The following CAMKMT variants were observed in gnomAD, a reference collection of about 807,000 sequenced individuals.
The protein encoded by CAMKMT is CaM KMT.
In CAMKMT, 53 loss-of-function variants were observed where a neutral mutation model predicts 48.0. The ratio of observed to expected loss-of-function variants is 1.10; its 90% confidence interval spans 0.89 to 1.39. The LOEUF (loss-of-function observed/expected upper bound fraction) is 1.39, where lower values mean the gene tolerates loss of function less well. CAMKMT is among the 40% of genes most tolerant of loss of function. The pLI is 0.00. For missense variants in CAMKMT, 428 were observed against 402.7 expected (o/e 1.06, Z -0.54); for synonymous variants, 165 against 152.3 (o/e 1.08, Z -0.61).
At chr2:44,689,768 T>C (rs1370652812) in intron 3 of CAMKMT, among the ~76,000 whole-genome samples, 3 of 152,150 alleles carry the variant, frequency 2.0e-5, no homozygotes, top group Non-Finnish European at 4.4e-5. Flanking sequence ...TTTTCTCACA[T>C]AGGCCCAGAT....
At chr2:44,662,320 C>T (rs1375759196) in intron 3 of CAMKMT, among the ~76,000 whole-genome samples, 2 of 152,174 alleles carry the variant, frequency 1.3e-5, no homozygotes, top group African/African-American at 2.4e-5. Context: ...TGATATTGAA[C>T]GACTATAAGA....
At chr2:44,510,847 CT>C (rs758652962) in intron 3 of CAMKMT, among the ~76,000 whole-genome samples, 2,522 of 147,014 alleles carry the variant, frequency 0.017, 35 homozygotes, top group Non-Finnish European at 0.027. Flanking sequence ...CATTATATCA[CT>C]TTTTTTTTTT....
At chr2:44,541,630 G>A (rs148568789) in intron 3 of CAMKMT, among the ~76,000 whole-genome samples, 4 of 151,938 alleles carry the variant, frequency 2.6e-5, no homozygotes, top group Middle Eastern at 3.4e-3. Flanking sequence ...AATTAGCTGC[G>A]CATAGTGGTG....
At chr2:44,558,602 T>G (rs1167700841) in intron 3 of CAMKMT, among the ~76,000 whole-genome samples, 2 of 151,916 alleles carry the variant, frequency 1.3e-5, no homozygotes, top group Non-Finnish European at 2.9e-5. Flanking sequence ...TACACAGGCA[T>G]AAAAAAGAAG....
At chr2:44,670,613 C>T (rs967295282) in intron 3 of CAMKMT, among the ~76,000 whole-genome samples, 5 of 152,078 alleles carry the variant, frequency 3.3e-5, no homozygotes, top group Non-Finnish European at 5.9e-5. Context: ...GATCATGCTA[C>T]GATAATGCCA....
In CAMKMT at chr2:44,527,766, C is replaced by G. The variant is rs1666232652; in HGVS notation, c.376+137461C>G. On this transcript the variant is annotated intron_variant, in intron 3 of 10. Transcript: ENST00000378494. ...AAGTACAGAGCATCCTCATGACCCC[C>G]TCCTCCCACATGTGTACAGCCCCCC... 8.2e-5 allele frequency among the ~76,000 whole-genome samples: 12 copies of G among 145,974 alleles called. No individual in the cohort carries two copies. In the South Asian group the frequency reaches 2.5e-3, roughly 30 times the overall value.
intron 3 of CAMKMT, among the ~76,000 whole-genome samples, chr2:44,467,720 T>C (rs943924482): frequency 2.0e-5 from 3 of 152,136 alleles, no homozygotes; most frequent in Non-Finnish European, 4.4e-5. Context: ...GCCAACTGAT[T>C]TTTGAGAAAG....
intron 1 of CAMKMT, among the ~76,000 whole-genome samples, chr2:44,370,820 G>T (rs530065850): frequency 2.6e-5 from 4 of 152,048 alleles, no homozygotes; most frequent in African/African-American, 9.6e-5. Context: ...AATTTTCTTT[G>T]TTTTTTCAGA....
chr2:44,555,575 C>T (rs1168542860), intron 3 of CAMKMT, among the ~76,000 whole-genome samples: 1 of 152,044 alleles, frequency 6.6e-6, no homozygotes, highest in Non-Finnish European at 1.5e-5. Context: ...GTGGTCTCAT[C>T]TGTAGAAATT....
At chr2:44,602,476 T>C (rs1288136368) in intron 3 of CAMKMT, among the ~76,000 whole-genome samples, 1 of 152,084 alleles carries the variant, frequency 6.6e-6, no homozygotes, top group Non-Finnish European at 1.5e-5. Flanking sequence ...ACCATTTAGA[T>C]TTTACAACTA....
intron 7 of CAMKMT, among the ~76,000 whole-genome samples, chr2:44,726,506 T>A: frequency 6.6e-6 from 1 of 152,214 alleles, no homozygotes; most frequent in East Asian, 1.9e-4. Context: ...TCCCTAGAGA[T>A]TCTAGATATT....
intron 3 of CAMKMT, among the ~76,000 whole-genome samples, chr2:44,396,645 G>A (rs1022378371): frequency 6.6e-6 from 1 of 151,938 alleles, no homozygotes; most frequent in African/African-American, 2.4e-5. Flanking sequence ...GTTGGTGGAG[G>A]GGGGTAGGTA....
At position 44,752,185 on chromosome 2, in the gene CAMKMT, C is replaced by T. The variant is rs138015739; in HGVS notation, c.699-1870C>T. Among the ~76,000 whole-genome samples the T allele has an allele frequency of 5.4e-3, 827 of 152,066 alleles. 5 individuals are homozygous for T. The highest frequency in any genetic ancestry group is 8.2e-3 in the Non-Finnish European group (558 of 67,952). On this transcript the variant is annotated intron_variant, in intron 8 of 10. Coordinates refer to ENST00000378494, the MANE Select transcript of CAMKMT (RefSeq NM_024766.5). ...CAGTACTGTTCAGATTTCAGAGATT[C>T]AGCTGTACTTTCTAAGCTCAGTTAT... is the stretch of plus-strand genomic sequence containing the variant.
At chr2:44,438,329 ATAAGT>A (rs567132773) in intron 3 of CAMKMT, among the ~76,000 whole-genome samples, 88 of 152,340 alleles carry the variant, frequency 5.8e-4, no homozygotes, top group Middle Eastern at 3.4e-3. Flanking sequence ...CATTAAATTG[ATAAGT>A]TAAGTTTGAA....
chr2:44,494,522 G>A (rs1272999504), intron 3 of CAMKMT, among the ~76,000 whole-genome samples: 1 of 152,112 alleles, frequency 6.6e-6, no homozygotes, highest in African/African-American at 2.4e-5. Flanking sequence ...AATGTGAAAT[G>A]TTAATAACAT....
chr2:44,554,989 G>A (rs1301192863), intron 3 of CAMKMT, among the ~76,000 whole-genome samples: 1 of 152,132 alleles, frequency 6.6e-6, no homozygotes, highest in Non-Finnish European at 1.5e-5. Context: ...TGGTTGGGGT[G>A]GGAGTAGGGA....
intron 3 of CAMKMT, among the ~76,000 whole-genome samples, chr2:44,579,315 T>G (rs184851739): frequency 6.6e-6 from 1 of 152,208 alleles, no homozygotes; most frequent in East Asian, 1.9e-4. Flanking sequence ...AATGGAAAGA[T>G]GCCAACATGG....
intron 1 of CAMKMT, among the ~76,000 whole-genome samples, chr2:44,371,256 G>A (rs1241922373): frequency 6.6e-6 from 1 of 152,144 alleles, no homozygotes. Flanking sequence ...AAAGTGCTGG[G>A]ATTACAGGCG....
intron 3 of CAMKMT, among the ~76,000 whole-genome samples, chr2:44,510,848 T>G (rs1049698395): frequency 2.8e-5 from 4 of 142,100 alleles, no homozygotes; most frequent in African/African-American, 1.0e-4. Flanking sequence ...ATTATATCAC[T>G]TTTTTTTTTT....
Sources: gnomAD v4.1 joint callset for allele counts (sites outside exome capture counted in the v4.1 genomes callset) on GRCh38, gnomAD v4.1.1 for gene constraint, MANE v1.5 for transcripts, NCBI Gene and HGNC (gene_info 2026-07-23, HGNC 2026-07-21) for gene names.